The following WDR43 variants were observed in gnomAD, a reference collection of about 807,000 sequenced individuals.
WDR43 encodes the protein WD repeat-containing protein 43.
In WDR43, 13 loss-of-function variants were observed where a neutral mutation model predicts 91.4. The ratio of observed to expected loss-of-function variants is 0.14; its 90% CI spans 0.09 to 0.23. The LOEUF (loss-of-function observed/expected upper bound fraction) is 0.23. WDR43 is among the 10% of genes least tolerant of loss of function. The pLI is 1.00. For synonymous variants in WDR43, 331 were observed against 287.9 expected, an observed-to-expected ratio of 1.15 and a Z score of -1.51; for missense variants, 780 against 809.4, an observed-to-expected ratio of 0.96 and a Z score of 0.44.
chr2:28,926,421 T>G lies in WDR43; in HGVS notation c.1087-47T>G, dbSNP rs751755133. The G allele has an allele frequency of 1.8e-5, 25 of 1,399,942 alleles. No individual in the cohort carries two copies. In the South Asian group the frequency reaches 3.6e-4, roughly 20 times the overall value. 86.7% of individuals were successfully genotyped at this position (1,399,942 alleles called of 1,614,324 possible). ...CAGTTGCTTTGTTTGACACTCTTTT[T>G]TTTTTCTTTCCTCTCATCTTCCCCT... On this transcript the variant is annotated intron_variant, in intron 8 of 17. Coordinates refer to ENST00000407426, the MANE Select transcript of WDR43 (RefSeq NM_015131.3).
chr2:28,920,983 G>C (rs1408413087), intron 6 of WDR43, among the ~76,000 whole-genome samples: 1 of 148,838 alleles, frequency 6.7e-6, no homozygotes, highest in African/African-American at 2.4e-5. Flanking sequence ...GGGCAAGACT[G>C]AATTTTTACT....
chr2:28,946,252 A>C (rs1671540215), intron 16 of WDR43, among the ~76,000 whole-genome samples, 198 bp from the exon 17 acceptor site: 2 of 152,076 alleles, frequency 1.3e-5, no homozygotes, highest in African/African-American at 2.4e-5. Context: ...CAGAGGTTGC[A>C]GTGAGCCAAG....
intron 10 of WDR43, chr2:28,927,932 T>A (rs1246337781): frequency 2.0e-6 from 1 of 500,034 alleles, no homozygotes; most frequent in Non-Finnish European, 3.3e-6. Context: ...GTTTTGGCCA[T>A]TAGTTAGTAG....
chr2:28,946,735 G>A lies in WDR43; in HGVS notation c.1990G>A (p.Gly664Arg). Residue 664 changes from glycine to arginine, a missense_variant, in exon 18 of 18, where the codon GGA becomes AGA. Physicochemically the swap from Gly to Arg is moderately radical, Grantham distance 125 (BLOSUM62 -2). Around this residue, in one of 4 missense-constraint regions of WDR43, gnomAD observed 426 missense variants for 467.8 expected, o/e 0.91. Coordinates refer to ENST00000407426, the MANE Select transcript of WDR43 (RefSeq NM_015131.3). ...TACAGCAAGTGAAAAAGAATTAAAT[G>A]GAGATTCTGATTTAGATCCTGAAAA... ...RDTASEKELN[G>R]DSDLDPENES... The A allele has an allele frequency of 6.3e-7, 1 of 1,587,020 alleles. No individual in the cohort carries two copies. Among genetic ancestry groups the A allele is most frequent in the South Asian group, 1.2e-5 (1 of 86,596 alleles).
chr2:28,913,406 T>C (rs4666131), intron 4 of WDR43, among the ~76,000 whole-genome samples: 40,389 of 152,066 alleles, frequency 0.27, 6,537 homozygotes, highest in East Asian at 0.78. Context: ...TCATAGCTCA[T>C]TGCAGCCTTG....
chr2:28,920,381 A>T (rs1171188827), intron 6 of WDR43, among the ~76,000 whole-genome samples: 1 of 151,538 alleles, frequency 6.6e-6, no homozygotes, highest in Non-Finnish European at 1.5e-5. Flanking sequence ...GCATATCACC[A>T]CGCCTGGCTA....
At position 28,918,921 on chromosome 2, in the gene WDR43, A is replaced by G. The variant is rs141837004; in HGVS notation, c.849+926A>G. Reference sequence around the variant, plus strand: ...AAATGCATATTTTGCATTAACCTCTAGGATTTAGAGATGATCATCATGTTT... The same window carrying G: ...AAATGCATATTTTGCATTAACCTCTGGGATTTAGAGATGATCATCATGTTT... On this transcript the variant is annotated intron_variant, in intron 6 of 17. Transcript: ENST00000407426. Among the ~76,000 whole-genome samples, 17 of 152,272 alleles carry G rather than the reference A, an allele frequency of 1.1e-4. No homozygotes were observed. The East Asian group carries it at 3.3e-3, about 29-fold the overall frequency.
At chr2:28,908,495 A>G (rs749909252) in intron 3 of WDR43, among the ~76,000 whole-genome samples, 2 of 152,182 alleles carry the variant, frequency 1.3e-5, no homozygotes, top group African/African-American at 4.8e-5. Flanking sequence ...GTGTTACTGT[A>G]TTCTGGATGA....
chr2:28,894,895 C>T lies in WDR43; in HGVS notation c.197C>T (p.Ala66Val), dbSNP rs759510029. 1.9e-5 allele frequency: 30 copies of T among 1,602,234 alleles called. No homozygotes were observed. Among genetic ancestry groups the T allele is most frequent in the South Asian group, 7.8e-5 (7 of 89,344 alleles). The change falls in exon 1 of 18, where the codon GCC becomes GTC. Residue 66 changes from alanine to valine, a missense_variant. By Grantham distance (64) the Ala-to-Val change is moderately conservative (BLOSUM62 0). Coordinates refer to ENST00000407426, the MANE Select transcript of WDR43 (RefSeq NM_015131.3). ...AHLSGTCTCL[A>V]WAPARLQAKE... ...CTCAGTGGTACCTGCACCTGTCTGGCCTGGGCGCCAGCGCGGCTGCAGGCC... is the reference window on the plus strand; with the variant it reads ...CTCAGTGGTACCTGCACCTGTCTGGTCTGGGCGCCAGCGCGGCTGCAGGCC...
At chr2:28,902,783 A>C (rs1244162341) in intron 2 of WDR43, among the ~76,000 whole-genome samples, 1 of 152,216 alleles carries the variant, frequency 6.6e-6, no homozygotes, top group Non-Finnish European at 1.5e-5. Context: ...GGAAATCAGA[A>C]ATCAGGTTGC....
At chr2:28,928,917 C>T (rs972813509) in intron 10 of WDR43, among the ~76,000 whole-genome samples, 7 of 152,064 alleles carry the variant, frequency 4.6e-5, no homozygotes, top group African/African-American at 1.7e-4. Context: ...TCAAGTGATC[C>T]GCCTGCCTCA....
chr2:28,907,070 G>A (rs1370176649), intron 3 of WDR43, among the ~76,000 whole-genome samples: 1 of 152,212 alleles, frequency 6.6e-6, no homozygotes, highest in Non-Finnish European at 1.5e-5. Context: ...TGGGTCAAAG[G>A]ATCCTAAGAG....
chr2:28,920,643 A>C (rs1050499859), intron 6 of WDR43, among the ~76,000 whole-genome samples: 3 of 152,098 alleles, frequency 2.0e-5, no homozygotes, highest in African/African-American at 7.2e-5. Flanking sequence ...AAAACTTGCC[A>C]CTAGTCTATG....
intron 1 of WDR43, among the ~76,000 whole-genome samples, chr2:28,896,685 A>C (rs1331325184): frequency 6.6e-6 from 1 of 152,200 alleles, no homozygotes; most frequent in Non-Finnish European, 1.5e-5. Context: ...GTTGCATTGT[A>C]TGCCCAAGAG....
intron 3 of WDR43, among the ~76,000 whole-genome samples, chr2:28,909,904 G>T (rs1248831160): frequency 2.6e-5 from 4 of 152,182 alleles, no homozygotes; most frequent in Non-Finnish European, 4.4e-5. Flanking sequence ...AGGCTTGGTT[G>T]TGAGTGTGTG....
chr2:28,945,206 G>A (rs1671523277), intron 16 of WDR43, among the ~76,000 whole-genome samples: 1 of 152,138 alleles, frequency 6.6e-6, no homozygotes, highest in Admixed American at 6.5e-5. Flanking sequence ...TTAAGAAAAA[G>A]TAGATAGAAG....
At chr2:28,930,282 A>G in intron 11 of WDR43, 1 of 339,250 alleles carries the variant, frequency 2.9e-6, no homozygotes, top group Non-Finnish European at 5.9e-6. Flanking sequence ...GCTTGTATGA[A>G]GTTACTCAGT....
chr2:28,906,093 A>G lies in WDR43; in HGVS notation c.364-367A>G, dbSNP rs778634364. On this transcript the variant is annotated intron_variant, in intron 2 of 17. Coordinates refer to ENST00000407426, the MANE Select transcript of WDR43 (RefSeq NM_015131.3). ...GGTTCATATTATCATAATATGTAAG[A>G]CAAGTTTTATTTTCTTCTTAAATTT... Among the ~76,000 whole-genome samples, 86 of 152,334 alleles carry G rather than the reference A, an allele frequency of 5.6e-4. 1 individual carries two copies. The Middle Eastern group carries it at 0.024, about 42-fold the overall frequency.
intron 14 of WDR43, among the ~76,000 whole-genome samples, chr2:28,940,483 G>C (rs1302738079): frequency 6.6e-6 from 1 of 152,154 alleles, no homozygotes; most frequent in Non-Finnish European, 1.5e-5. Context: ...GCCCGCCTCA[G>C]CCTCCCAAAG....
Sources: allele counts gnomAD v4.1 joint callset (sites outside exome capture counted in the v4.1 genomes callset), GRCh38; gene constraint gnomAD v4.1.1; regional missense constraint gnomAD v4.1.1; transcripts MANE v1.5; gene names NCBI Gene and HGNC (gene_info 2026-07-23, HGNC 2026-07-21).